The following ICA1L variants were observed in gnomAD, a reference collection of about 807,000 sequenced individuals.
ICA1L encodes the protein islet cell autoantigen 1-like protein.
ICA1L carries 50 observed loss-of-function variants against 61.3 expected under a neutral mutation model. The observed-to-expected ratio is 0.82, with a 90% CI of 0.65 to 1.03. The LOEUF (loss-of-function observed/expected upper bound fraction) is 1.03. ICA1L is among the 50% of genes least tolerant of loss of function. ICA1L has a pLI of 0.00. For missense variants in ICA1L, 508 were observed against 556.7 expected, an observed-to-expected ratio of 0.91 and a Z score of 0.88; for synonymous variants, 161 against 191.3, an observed-to-expected ratio of 0.84 and a Z score of 1.31.
intron 9 of ICA1L, among the ~76,000 whole-genome samples, chr2:202,807,648 G>A (rs538729866): frequency 1.2e-4 from 19 of 152,260 alleles, no homozygotes; most frequent in Non-Finnish European, 2.4e-4. Flanking sequence ...AGCCAGCCAA[G>A]GAAGTGCTTA....
At chr2:202,858,845 G>T (rs1694832932) in intron 1 of ICA1L, among the ~76,000 whole-genome samples, 1 of 152,130 alleles carries the variant, frequency 6.6e-6, no homozygotes, top group Non-Finnish European at 1.5e-5. Context: ...GTATCAGATG[G>T]TCTAGGGGTG....
chr2:202,852,671 CAA>C (rs574400027), intron 1 of ICA1L, among the ~76,000 whole-genome samples: 7 of 42,212 alleles, frequency 1.7e-4, no homozygotes, highest in African/African-American at 2.6e-4. Context: ...GACTCTGTCT[CAA>C]AAAAAAAAAA....
At chr2:202,856,640 G>A (rs536087332) in intron 1 of ICA1L, among the ~76,000 whole-genome samples, 1 of 152,206 alleles carries the variant, frequency 6.6e-6, no homozygotes, top group Admixed American at 6.5e-5. Flanking sequence ...GGGCAATCAG[G>A]CAAGAGAAAG....
At chr2:202,838,606 C>T (rs1040565795) in intron 1 of ICA1L, among the ~76,000 whole-genome samples, 1 of 152,148 alleles carries the variant, frequency 6.6e-6, no homozygotes, top group Non-Finnish European at 1.5e-5. Context: ...TCTGATGTTG[C>T]ATGTAACACA....
intron 3 of ICA1L, chr2:202,821,831 A>C (rs2105852663): frequency 6.4e-6 from 1 of 156,370 alleles, no homozygotes; most frequent in Middle Eastern, 3.3e-3. Flanking sequence ...TTTTAGGATC[A>C]TTGCCTCTTA....
chr2:202,802,057 G>C (rs1693099193), intron 9 of ICA1L, among the ~76,000 whole-genome samples: 1 of 152,172 alleles, frequency 6.6e-6, no homozygotes, highest in African/African-American at 2.4e-5. Context: ...TCAGATATTT[G>C]TATTTTTGGA....
intron 1 of ICA1L, chr2:202,844,731 T>C (rs1235523465): frequency 1.3e-5 from 2 of 152,236 alleles, no homozygotes; most frequent in East Asian, 1.9e-4. Flanking sequence ...TCCTTTAACA[T>C]AGGAGGAAAC....
chr2:202,818,525 G>T (rs1198587501), intron 5 of ICA1L, among the ~76,000 whole-genome samples: 1 of 152,170 alleles, frequency 6.6e-6, no homozygotes, highest in Non-Finnish European at 1.5e-5. Flanking sequence ...GATGTGGTTT[G>T]GCTGTTTCCC....
intron 1 of ICA1L, among the ~76,000 whole-genome samples, chr2:202,836,852 TA>T (rs542028380): frequency 2.3e-4 from 35 of 151,108 alleles, no homozygotes; most frequent in East Asian, 1.2e-3. Context: ...TAGATATAGA[TA>T]TTTTTTTAGA....
chr2:202,834,479 A>T (rs1281721407), intron 1 of ICA1L, among the ~76,000 whole-genome samples: 1 of 151,998 alleles, frequency 6.6e-6, no homozygotes, highest in Admixed American at 6.6e-5. Context: ...AAATACAAAA[A>T]TTAGCTGGGC....
intron 11 of ICA1L, among the ~76,000 whole-genome samples, chr2:202,787,997 T>G (rs190486417): frequency 6.6e-6 from 1 of 152,036 alleles, no homozygotes; most frequent in Non-Finnish European, 1.5e-5. Flanking sequence ...CAAGCACAGA[T>G]AGATGCATCA....
intron 1 of ICA1L, among the ~76,000 whole-genome samples, chr2:202,854,076 C>T (rs1441024406): frequency 1.3e-5 from 2 of 151,980 alleles, no homozygotes; most frequent in African/African-American, 4.8e-5. Flanking sequence ...TTCAATGCCC[C>T]GATTAAAAGA....
intron 4 of ICA1L, among the ~76,000 whole-genome samples, chr2:202,820,787 T>A (rs912788509): frequency 6.6e-6 from 1 of 152,222 alleles, no homozygotes; most frequent in Non-Finnish European, 1.5e-5. Context: ...AGAATAAAGC[T>A]ATATAAACTG....
At chr2:202,792,518 A>C (rs1227539840) in intron 10 of ICA1L, among the ~76,000 whole-genome samples, 2 of 152,192 alleles carry the variant, frequency 1.3e-5, no homozygotes. Flanking sequence ...AAAAAGTAAT[A>C]AACTGGCCGG....
chr2:202,804,680 T>C (rs1157801979), intron 9 of ICA1L, among the ~76,000 whole-genome samples: 1 of 152,200 alleles, frequency 6.6e-6, no homozygotes, highest in Non-Finnish European at 1.5e-5. Context: ...TTAACAGATA[T>C]AACCGGCTCC....
intron 1 of ICA1L, among the ~76,000 whole-genome samples, chr2:202,852,485 A>G (rs1239078895): frequency 6.6e-6 from 1 of 151,800 alleles, no homozygotes; most frequent in Non-Finnish European, 1.5e-5. Flanking sequence ...CCTGGCTAAC[A>G]TGGTGAAACC....
At chr2:202,789,870 G>C (rs1242475238) in intron 10 of ICA1L, among the ~76,000 whole-genome samples, 3 of 152,174 alleles carry the variant, frequency 2.0e-5, no homozygotes, top group African/African-American at 7.2e-5. Context: ...TCATGCTAAA[G>C]TTCCATATCA....
intron 5 of ICA1L, among the ~76,000 whole-genome samples, chr2:202,818,976 G>A (rs758379012): frequency 7.2e-5 from 11 of 152,254 alleles, no homozygotes; most frequent in Non-Finnish European, 1.3e-4. Flanking sequence ...CCCTTGGACT[G>A]TATTCTCACT....
intron 10 of ICA1L, among the ~76,000 whole-genome samples, chr2:202,792,594 G>A (rs1033768480): frequency 1.3e-5 from 2 of 152,094 alleles, no homozygotes; most frequent in Admixed American, 6.5e-5. Flanking sequence ...CACAAGGTCA[G>A]GAGATCGAGA....
Sources: allele counts gnomAD v4.1 joint callset (sites outside exome capture counted in the v4.1 genomes callset), GRCh38; gene constraint gnomAD v4.1.1; transcripts MANE v1.5; gene names NCBI Gene and HGNC (gene_info 2026-07-23, HGNC 2026-07-21).